TEAD1: variants seen among roughly 807,000 people sequenced by gnomAD.
The protein encoded by TEAD1 is transcriptional enhancer factor TEF-1.
A neutral mutation model predicts 54.9 loss-of-function variants in TEAD1; 9 were observed. The ratio of observed to expected loss-of-function variants is 0.16; its 90% CI spans 0.10 to 0.29. TEAD1 has a LOEUF of 0.29. Among genes scored for constraint, TEAD1 ranks in the 10% least tolerant of loss-of-function variants. The pLI is 1.00. For missense variants in TEAD1, 387 were observed against 535.9 expected (o/e 0.72, Z 2.74); for synonymous variants, 200 against 187.8 (o/e 1.07, Z -0.53).
At chr11:12,914,541 G>A (rs1304826063) in intron 10 of TEAD1, among the ~76,000 whole-genome samples, 1 of 152,196 alleles carries the variant, frequency 6.6e-6, no homozygotes, top group Admixed American at 6.5e-5. Flanking sequence ...TTCCTTGCTG[G>A]GGAGCTGTCT....
intron 2 of TEAD1, among the ~76,000 whole-genome samples, chr11:12,719,220 G>A (rs1340098405): frequency 6.6e-6 from 1 of 152,082 alleles, no homozygotes; most frequent in Admixed American, 6.5e-5. Flanking sequence ...GTTTGGGGAG[G>A]TGATGGAAGG....
intron 5 of TEAD1, among the ~76,000 whole-genome samples, chr11:12,873,418 C>G (rs543726926): frequency 2.0e-5 from 3 of 152,264 alleles, no homozygotes; most frequent in Admixed American, 1.3e-4. Context: ...TGTGAAGCCC[C>G]ACATCAGAGT....
At chr11:12,778,418 T>C (rs2133944771) in intron 3 of TEAD1, among the ~76,000 whole-genome samples, 1 of 152,218 alleles carries the variant, frequency 6.6e-6, no homozygotes, top group East Asian at 1.9e-4. Flanking sequence ...TAAAAAACAC[T>C]CCATCCTCTC....
chr11:12,892,397 T>C (rs1948214480), intron 9 of TEAD1, among the ~76,000 whole-genome samples: 1 of 152,110 alleles, frequency 6.6e-6, no homozygotes, highest in South Asian at 2.1e-4. Flanking sequence ...CCCAGCACTT[T>C]GGGAGGCCAA....
intron 2 of TEAD1, among the ~76,000 whole-genome samples, chr11:12,752,568 G>T (rs992833481): frequency 1.3e-5 from 2 of 151,910 alleles, no homozygotes; most frequent in African/African-American, 2.4e-5. Context: ...ATATTGCGTT[G>T]GTACAATTCA....
intron 3 of TEAD1, among the ~76,000 whole-genome samples, chr11:12,765,832 T>C (rs1260812212): frequency 6.6e-6 from 1 of 152,212 alleles, no homozygotes; most frequent in Non-Finnish European, 1.5e-5. Flanking sequence ...GGATGAAATA[T>C]CTCAGCTACT....
chr11:12,830,761 C>CAT (rs201177790), intron 3 of TEAD1, among the ~76,000 whole-genome samples: 2 of 147,244 alleles, frequency 1.4e-5, no homozygotes, highest in Non-Finnish European at 3.0e-5. Context: ...CACACATGCA[C>CAT]GCACACGCAC....
rs1564968511 is a variant in TEAD1 at position 12,864,617 on chromosome 11, T to TTTTGTTTTGTTTTGTTTTG, written c.268-218_268-217insGTTTTGTTTTGTTTTGTTT. 1.6e-4 allele frequency: 157 copies of TTTTGTTTTGTTTTGTTTTG among 954,790 alleles called. 1 individual carries two copies. The highest frequency in any genetic ancestry group is 1.9e-4 in the Admixed American group (6 of 30,916). 59.1% of individuals were successfully genotyped at this position (954,790 alleles called of 1,614,324 possible). ...GTAGCGATTTTATATTTGATTTCCT[T>TTTTGTTTTGTTTTGTTTTG]TTTTGTTTTGTTTTGTTTTGTTTTG... On this transcript the variant is annotated intron_variant, in intron 4 of 12. Transcript: ENST00000527636.
At position 12,814,777 on chromosome 11, in the gene TEAD1, CTGTGTGTGTGTGTGTGTGTGTGTGTG is replaced by C. The variant is rs397842274; in HGVS notation, c.203-47435_203-47410del. On this transcript the variant is annotated intron_variant, in intron 3 of 12. Coordinates refer to ENST00000527636, the MANE Select transcript of TEAD1 (RefSeq NM_021961.6). The stretch of plus-strand genomic sequence containing the variant: ...AGCCACCCCTGACCATCGCAGAGCT[CTGTGTGTGTGTGTGTGTGTGTGTGTG>C]TGTGTGTGTGTGTGTGTGTGTGTGT... Among the ~76,000 whole-genome samples the C allele has an allele frequency of 2.3e-3, 248 of 106,224 alleles. 1 individual carries two copies. The highest frequency in any genetic ancestry group is 5.2e-3 in the African/African-American group (152 of 29,416). 69.7% of individuals were successfully genotyped at this position (106,224 alleles called of 152,430 possible). A position where few individuals can be genotyped will look rare whatever the true frequency, so the allele number is the denominator to read the frequency against.
chr11:12,811,238 C>T (rs969743862), intron 3 of TEAD1, among the ~76,000 whole-genome samples: 1 of 152,174 alleles, frequency 6.6e-6, no homozygotes, highest in Non-Finnish European at 1.5e-5. Flanking sequence ...AATCACACAT[C>T]CTGTGGATGG....
intron 3 of TEAD1, among the ~76,000 whole-genome samples, chr11:12,777,431 T>G (rs1476104729): frequency 6.6e-6 from 1 of 152,212 alleles, no homozygotes; most frequent in Admixed American, 6.5e-5. Context: ...TGAGACGGGC[T>G]TTGGCAACTG....
intron 2 of TEAD1, among the ~76,000 whole-genome samples, chr11:12,713,488 C>T (rs1022596014): frequency 7.9e-5 from 12 of 152,186 alleles, no homozygotes; most frequent in African/African-American, 1.9e-4. Context: ...TTTGTTGGCT[C>T]TTAGTCATTA....
At position 12,899,957 on chromosome 11, in the gene TEAD1, A is replaced by G. The variant is rs117211735; in HGVS notation, c.700-1983A>G. Among the ~76,000 whole-genome samples, 202 of 152,386 alleles carry G rather than the reference A, an allele frequency of 1.3e-3. 2 individuals carry two copies. The East Asian group carries it at 0.032, about 24-fold the overall frequency. ...GGCCAGAGATCCAAATGTGGGTAGCAGGTTATAGATTTAAACCAGTATTCC... is the reference window on the plus strand; with the variant it reads ...GGCCAGAGATCCAAATGTGGGTAGCGGGTTATAGATTTAAACCAGTATTCC... On this transcript the variant is annotated intron_variant, in intron 9 of 12. Transcript: ENST00000527636.
chr11:12,883,132 G>T lies in TEAD1; in HGVS notation c.699+7G>T, dbSNP rs368255240. ...GCAGCGAGACCCAGACTCGGTGAGT[G>T]TGCCCAGAGAGGTGTGTCTTGAATC... On this transcript the variant is annotated splice_region_variant and intron_variant, in intron 9 of 12. Coordinates refer to ENST00000527636, the MANE Select transcript of TEAD1 (RefSeq NM_021961.6). The T allele has an allele frequency of 1.9e-6, 3 of 1,614,088 alleles. No homozygotes were observed.
intron 9 of TEAD1, among the ~76,000 whole-genome samples, chr11:12,895,015 C>T (rs895961751): frequency 1.3e-5 from 2 of 152,100 alleles, no homozygotes; most frequent in African/African-American, 4.8e-5. Context: ...TAATCACTTG[C>T]CCTGGATGAC....
chr11:12,868,213 C>T (rs1179637473), intron 5 of TEAD1, among the ~76,000 whole-genome samples: 1 of 152,120 alleles, frequency 6.6e-6, no homozygotes, highest in African/African-American at 2.4e-5. Flanking sequence ...TGGTGTTTTC[C>T]AGCCTTTTTA....
At chr11:12,751,343 C>T (rs1008624013) in intron 2 of TEAD1, among the ~76,000 whole-genome samples, 16 of 150,528 alleles carry the variant, frequency 1.1e-4, no homozygotes, top group African/African-American at 3.7e-4. Flanking sequence ...CCTTAAAGAT[C>T]TCACAAATCC....
intron 2 of TEAD1, among the ~76,000 whole-genome samples, chr11:12,738,454 A>G (rs1944581130): frequency 6.6e-6 from 1 of 152,224 alleles, no homozygotes; most frequent in South Asian, 2.1e-4. Context: ...TACTCCTTTG[A>G]TATCAAGAGA....
intron 3 of TEAD1, among the ~76,000 whole-genome samples, chr11:12,799,116 GAA>G (rs1261112354): frequency 2.6e-5 from 4 of 152,170 alleles, no homozygotes; most frequent in Non-Finnish European, 5.9e-5. Context: ...GGAAACATGA[GAA>G]ATACATGTTT....
Sources: allele counts gnomAD v4.1 joint callset (sites outside exome capture counted in the v4.1 genomes callset), GRCh38; gene constraint gnomAD v4.1.1; transcripts MANE v1.5; gene names NCBI Gene and HGNC (gene_info 2026-07-23, HGNC 2026-07-21).